Variants in PCDHA1 observed in about 807,000 individuals in gnomAD.
The protein encoded by PCDHA1 is protocadherin alpha 1.
PCDHA1 carries 42 observed loss-of-function variants against 61.3 expected under a neutral mutation model. The observed-to-expected ratio is 0.69, with a 90% CI of 0.54 to 0.89. The LOEUF (loss-of-function observed/expected upper bound fraction) is 0.89, where lower values mean the gene tolerates loss of function less well. Among genes scored for constraint, PCDHA1 ranks in the 40% least tolerant of loss-of-function variants. The probability of loss-of-function intolerance (pLI) is 0.00; values close to 1 mark genes in which losing one functional copy is unlikely to be tolerated. For missense variants in PCDHA1, 1,256 were observed against 1,235.3 expected (o/e 1.02, Z -0.25); for synonymous variants, 610 against 553.8 (o/e 1.10, Z -1.43).
intron 1 of PCDHA1, chr5:140,968,436 C>T (rs1479503016): frequency 3.1e-6 from 5 of 1,613,876 alleles, no homozygotes; most frequent in Non-Finnish European, 3.4e-6. Context: ...AAGGGGAGCC[C>T]ACCACTGAGC....
In PCDHA1 at chr5:140,937,678, T is replaced by C. The variant is rs570305485; in HGVS notation, c.2395-41271T>C. On this transcript the variant is annotated intron_variant, in intron 1 of 3. Coordinates refer to ENST00000504120, the MANE Select transcript of PCDHA1 (RefSeq NM_018900.4). ...CTGTAATCCCAGCACTTTGGGAGGC[T>C]GAGGCAGGCGGATCACGAGGTCAGG... Among the ~76,000 whole-genome samples the C allele has an allele frequency of 5.4e-3, 825 of 151,734 alleles. 2 individuals are homozygous for C. Among genetic ancestry groups the C allele is most frequent in the African/African-American group, 0.019 (794 of 41,384 alleles).
chr5:141,000,894 ATAGACGCT>A (rs1348330251), intron 3 of PCDHA1, among the ~76,000 whole-genome samples: 1 of 152,128 alleles, frequency 6.6e-6, no homozygotes, highest in African/African-American at 2.4e-5. Context: ...GGCAACAGAT[ATAGACGCT>A]GTCTCTAAAA....
chr5:140,829,686 A>C, intron 1 of PCDHA1: 1 of 1,613,286 alleles, frequency 6.2e-7, no homozygotes, highest in Non-Finnish European at 8.5e-7. Context: ...GAGCTGCTGC[A>C]GTTTCAGGTG....
chr5:140,789,146 C>T (rs1761513903), intron 1 of PCDHA1, among the ~76,000 whole-genome samples: 1 of 152,180 alleles, frequency 6.6e-6, no homozygotes, highest in Admixed American at 6.5e-5. Context: ...TTTAAGCAAA[C>T]GTAATTTAAA....
Position 140,786,362 on chromosome 5 carries a change from G to C in PCDHA1, c.72G>C (p.Trp24Cys). The change falls in exon 1 of 4, where the codon TGG becomes TGC. Residue 24 changes from tryptophan (W) to cysteine (C), a missense_variant. Trp to Cys is a radical substitution (Grantham distance 215, BLOSUM62 -2). Coordinates refer to ENST00000504120, the MANE Select transcript of PCDHA1 (RefSeq NM_018900.4). ...TTTGGCTTCTGCTCCTCGCAGCCTG[G>C]GAGGTGGGGAGCGGCCAGCTCCACT... Reference protein sequence around the residue: ...LLLWLLLLAAWEVGSGQLHYS... With the variant: ...LLLWLLLLAACEVGSGQLHYS... 6.2e-7 allele frequency: 1 copy of C among 1,613,892 alleles called. No homozygotes were observed. The highest frequency in any genetic ancestry group is 1.7e-5 in the Admixed American group (1 of 60,030).
At chr5:140,920,481 G>T (rs2079651233) in intron 1 of PCDHA1, among the ~76,000 whole-genome samples, 1 of 151,886 alleles carries the variant, frequency 6.6e-6, no homozygotes, top group Non-Finnish European at 1.5e-5. Context: ...TATGTTTTTG[G>T]TCCAACAATA....
rs781787997 is a variant in PCDHA1, at chr5:140,796,280, C to T, written c.2394+7596C>T. On this transcript the variant is annotated intron_variant, in intron 1 of 3. Transcript: ENST00000504120. ...GGCTCGCCTTCACTGTGGGCCACCA[C>T]CAGCGTGTCCATCGAGGTGGCCGAC... 7.4e-6 allele frequency: 12 copies of T among 1,614,126 alleles called. No homozygotes were observed. In the Admixed American group the frequency reaches 1.2e-4, roughly 16 times the overall value.
At chr5:140,898,984 C>T (rs1237034997) in intron 1 of PCDHA1, among the ~76,000 whole-genome samples, 3 of 151,964 alleles carry the variant, frequency 2.0e-5, no homozygotes, top group Non-Finnish European at 4.4e-5. Flanking sequence ...TGATTTGGCT[C>T]TCTGTTTGTC....
Position 140,850,862 on chromosome 5 carries a change from C to G in PCDHA1, c.2394+62178C>G, listed in dbSNP as rs2150500833. 5.6e-6 allele frequency: 9 copies of G among 1,592,960 alleles called. 1 individual carries two copies. In the South Asian group the frequency reaches 1.0e-4, roughly 18 times the overall value. Reference sequence around the variant, plus strand: ...GATCTACAGAGCGAACGGGAGAACCCTCTGCTTCCTCAGATTCAACTGGGA... The same window carrying G: ...GATCTACAGAGCGAACGGGAGAACCGTCTGCTTCCTCAGATTCAACTGGGA... On this transcript the variant is annotated intron_variant, in intron 1 of 3. Transcript: ENST00000504120.
At chr5:140,886,101 A>G (rs1554182351) in intron 1 of PCDHA1, among the ~76,000 whole-genome samples, 1 of 152,228 alleles carries the variant, frequency 6.6e-6, no homozygotes, top group Admixed American at 6.5e-5. Context: ...ACATTGATAC[A>G]GTAAAGAAGT....
At chr5:140,904,275 C>A (rs169087) in intron 1 of PCDHA1, among the ~76,000 whole-genome samples, 7,060 of 152,068 alleles carry the variant, frequency 0.046, 292 homozygotes, top group African/African-American at 0.11. Flanking sequence ...TGAATGAGAA[C>A]ATGTGGTGTT....
At chr5:140,884,049 T>C (rs1268930422) in intron 1 of PCDHA1, 2 of 1,613,296 alleles carry the variant, frequency 1.2e-6, no homozygotes, top group African/African-American at 1.3e-5. Flanking sequence ...GTGGCGAAGG[T>C]GCGCGCGGTG....
At position 140,836,017 on chromosome 5, in the gene PCDHA1, T is replaced by C. The variant is rs1201962731; in HGVS notation, c.2394+47333T>C. Reference sequence around the variant, plus strand: ...GCGCGCGATGCGGGCGTGCCGCCTCTGGGCAGCAACGTGACGCTGCAGGTG... The same window carrying C: ...GCGCGCGATGCGGGCGTGCCGCCTCCGGGCAGCAACGTGACGCTGCAGGTG... On this transcript the variant is annotated intron_variant, in intron 1 of 3. Transcript: ENST00000504120. The C allele has an allele frequency of 5.6e-6, 9 of 1,613,360 alleles. No individual in the cohort carries two copies. In the African/African-American group the frequency reaches 1.1e-4, roughly 19 times the overall value.
intron 1 of PCDHA1, chr5:140,841,864 T>C (rs1554138599): frequency 3.1e-6 from 5 of 1,613,852 alleles, no homozygotes; most frequent in Non-Finnish European, 4.2e-6. Flanking sequence ...TCATGCTAGA[T>C]GTGAATTCAA....
At chr5:140,902,860 G>C (rs1360454438) in intron 1 of PCDHA1, among the ~76,000 whole-genome samples, 1 of 152,130 alleles carries the variant, frequency 6.6e-6, no homozygotes, top group Non-Finnish European at 1.5e-5. Context: ...ATGGCGTCCA[G>C]GTCCACCCAA....
chr5:140,824,013 C>G (rs1347563887), intron 1 of PCDHA1: 3 of 1,614,156 alleles, frequency 1.9e-6, no homozygotes, highest in Non-Finnish European at 2.5e-6. Flanking sequence ...CGGTGGGGAG[C>G]TGGTCGTACT....
At chr5:140,936,418 T>G (rs2090950050) in intron 1 of PCDHA1, among the ~76,000 whole-genome samples, 1 of 152,222 alleles carries the variant, frequency 6.6e-6, no homozygotes, top group African/African-American at 2.4e-5. Context: ...ATGTTACTAA[T>G]TTTAATTAAT....
At chr5:140,989,947 T>G (rs2097368215) in intron 3 of PCDHA1, among the ~76,000 whole-genome samples, 1 of 152,062 alleles carries the variant, frequency 6.6e-6, no homozygotes, top group Non-Finnish European at 1.5e-5. Context: ...CACGTTTTTC[T>G]CGGTGAGACC....
intron 1 of PCDHA1, chr5:140,882,984 C>T (rs2059393576): frequency 2.5e-6 from 4 of 1,614,178 alleles, no homozygotes; most frequent in Non-Finnish European, 2.5e-6. Flanking sequence ...AATGACAACG[C>T]CCCGGAATTT....
Sources: allele counts gnomAD v4.1 joint callset (sites outside exome capture counted in the v4.1 genomes callset), GRCh38; gene constraint gnomAD v4.1.1; transcripts MANE v1.5; gene names NCBI Gene and HGNC (gene_info 2026-07-23, HGNC 2026-07-21).